FOXO1: variants seen among roughly 807,000 people sequenced by gnomAD.
The protein encoded by FOXO1 is forkhead box protein O1.
FOXO1 carries 6 observed loss-of-function variants against 44.1 expected under a neutral mutation model. That is an observed-to-expected ratio of 0.14 (90% CI 0.07 to 0.27). FOXO1 has a LOEUF of 0.27. Ranked by LOEUF, FOXO1 falls within the 10% of genes least tolerant of loss-of-function variation. The pLI, the probability that FOXO1 is intolerant of heterozygous loss-of-function variation, is 1.00. For synonymous variants in FOXO1, 380 were observed against 362.7 expected, an observed-to-expected ratio of 1.05 and a Z score of -0.54; for missense variants, 737 against 888.8, an observed-to-expected ratio of 0.83 and a Z score of 2.17.
In FOXO1 at chr13:40,585,343, G is replaced by GCGCGCACACA. The variant is rs10623475; in HGVS notation, c.631-24484_631-24483insTGTGTGCGCG. Among the ~76,000 whole-genome samples, 720 of 147,112 alleles carry GCGCGCACACA rather than the reference G, an allele frequency of 4.9e-3. 7 individuals are homozygous for GCGCGCACACA. The highest frequency in any genetic ancestry group is 0.017 in the African/African-American group (680 of 39,778). On this transcript the variant is annotated intron_variant, in intron 1 of 2. Transcript: ENST00000379561. The stretch of plus-strand genomic sequence containing the variant: ...ATGTAAGTATTTCCTCTGCGCGCGC[G>GCGCGCACACA]CACACACACACACACACACACACAC...
chr13:40,598,388 T>C (rs1392145967), intron 1 of FOXO1, among the ~76,000 whole-genome samples: 1 of 152,112 alleles, frequency 6.6e-6, no homozygotes, highest in Non-Finnish European at 1.5e-5. Context: ...TTTCTTTCCC[T>C]AAAATTCTGA....
chr13:40,601,684 G>A (rs1025445795), intron 1 of FOXO1, among the ~76,000 whole-genome samples: 6 of 151,988 alleles, frequency 3.9e-5, no homozygotes, highest in Non-Finnish European at 7.4e-5. Context: ...GGGTTTTTTG[G>A]TCACATTGGC....
intron 1 of FOXO1, among the ~76,000 whole-genome samples, chr13:40,645,351 TA>T (rs1313698456): frequency 6.6e-6 from 1 of 152,222 alleles, no homozygotes; most frequent in Non-Finnish European, 1.5e-5. Context: ...ATTTTCAGTT[TA>T]AAAGGTGAAA....
chr13:40,584,402 T>C (rs575333069), intron 1 of FOXO1, among the ~76,000 whole-genome samples: 2 of 135,046 alleles, frequency 1.5e-5, no homozygotes, highest in African/African-American at 2.8e-5. Flanking sequence ...GGTAGGCATA[T>C]GGCTTGAGCC....
In FOXO1 at chr13:40,640,488, G is replaced by C. The variant is rs1206711657; in HGVS notation, c.630+25095C>G. On this transcript the variant is annotated intron_variant, in intron 1 of 2. Coordinates refer to ENST00000379561, the MANE Select transcript of FOXO1 (RefSeq NM_002015.4). Reference sequence around the variant, plus strand: ...GCTCATCTGATGATCCAGTTAGAAGGGCGGCTTTAGCATCCCCCAAGCCCT... The same window carrying C: ...GCTCATCTGATGATCCAGTTAGAAGCGCGGCTTTAGCATCCCCCAAGCCCT... Among the ~76,000 whole-genome samples, 3 of 152,182 alleles carry C rather than the reference G, an allele frequency of 2.0e-5. No individual in the cohort carries two copies. The East Asian group carries it at 5.8e-4, about 29-fold the overall frequency.
chr13:40,604,548 C>G (rs1691996774), intron 1 of FOXO1, among the ~76,000 whole-genome samples: 1 of 152,098 alleles, frequency 6.6e-6, no homozygotes, highest in South Asian at 2.1e-4. Context: ...CACCTAGCTA[C>G]CAGCATCTAT....
chr13:40,637,903 A>G (rs1877213840), intron 1 of FOXO1, among the ~76,000 whole-genome samples: 1 of 152,204 alleles, frequency 6.6e-6, no homozygotes, highest in African/African-American at 2.4e-5. Flanking sequence ...AAGCAATACT[A>G]TACAGAACTG....
intron 1 of FOXO1, among the ~76,000 whole-genome samples, chr13:40,640,118 C>T (rs1169052247): frequency 1.3e-5 from 2 of 152,216 alleles, no homozygotes; most frequent in Non-Finnish European, 2.9e-5. Flanking sequence ...ACATTAAAAA[C>T]TCTAGATAAT....
intron 1 of FOXO1, among the ~76,000 whole-genome samples, chr13:40,630,986 T>A (rs1876943574): frequency 6.6e-6 from 1 of 152,142 alleles, no homozygotes; most frequent in South Asian, 2.1e-4. Context: ...GGGGCAATTT[T>A]CCACCTAACA....
At chr13:40,565,136 A>T (rs1874217616) in intron 1 of FOXO1, among the ~76,000 whole-genome samples, 1 of 152,218 alleles carries the variant, frequency 6.6e-6, no homozygotes, top group South Asian at 2.1e-4. Context: ...AAAAAATTAC[A>T]AGGAAGATAT....
intron 1 of FOXO1, among the ~76,000 whole-genome samples, chr13:40,609,138 TTTAA>T (rs1438604614): frequency 6.6e-6 from 1 of 152,290 alleles, no homozygotes; most frequent in Non-Finnish European, 1.5e-5. Context: ...ACTACTCAAA[TTTAA>T]TTAATTATCG....
intron 1 of FOXO1, among the ~76,000 whole-genome samples, chr13:40,604,353 C>G (rs1345905964): frequency 6.6e-6 from 1 of 151,200 alleles, no homozygotes; most frequent in Non-Finnish European, 1.5e-5. Flanking sequence ...TGAGTGCACT[C>G]AACTATCTCA....
chr13:40,642,372 A>G (rs1877381266), intron 1 of FOXO1, among the ~76,000 whole-genome samples: 1 of 152,176 alleles, frequency 6.6e-6, no homozygotes, highest in Non-Finnish European at 1.5e-5. Context: ...TACTTCCCTC[A>G]ATCAGTCTGT....
intron 1 of FOXO1, among the ~76,000 whole-genome samples, chr13:40,663,486 T>G (rs1323899888): frequency 6.6e-6 from 1 of 152,186 alleles, no homozygotes; most frequent in African/African-American, 2.4e-5. Context: ...AAGAATGGTG[T>G]AAGTACACAC....
At chr13:40,614,996 G>C (rs1404852532) in intron 1 of FOXO1, among the ~76,000 whole-genome samples, 1 of 152,196 alleles carries the variant, frequency 6.6e-6, no homozygotes, top group Non-Finnish European at 1.5e-5. Flanking sequence ...AGGTGGGTAT[G>C]CAAAAAACCC....
chr13:40,576,225 G>C (rs1205122803), intron 1 of FOXO1, among the ~76,000 whole-genome samples: 1 of 152,184 alleles, frequency 6.6e-6, no homozygotes, highest in East Asian at 1.9e-4. Flanking sequence ...TTTAGACACA[G>C]AAAGGGAGGA....
At chr13:40,588,001 T>TAACACAGAGTA (rs943421754) in intron 1 of FOXO1, among the ~76,000 whole-genome samples, 13 of 152,176 alleles carry the variant, frequency 8.5e-5, no homozygotes, top group Non-Finnish European at 7.4e-5. Context: ...TCAAATTGCA[T>TAACACAGAGTA]AACACAGAGT....
At chr13:40,609,449 G>A (rs1442677374) in intron 1 of FOXO1, among the ~76,000 whole-genome samples, 1 of 152,096 alleles carries the variant, frequency 6.6e-6, no homozygotes, top group Non-Finnish European at 1.5e-5. Context: ...ATTTGTAAAT[G>A]TAAGTCTGTT....
At chr13:40,596,854 T>C (rs73465251) in intron 1 of FOXO1, among the ~76,000 whole-genome samples, 106 of 152,252 alleles carry the variant, frequency 7.0e-4, no homozygotes, top group African/African-American at 2.5e-3. Context: ...TGCACAACCA[T>C]TCTCTCCACT....
Sources: gnomAD v4.1 joint callset for allele counts (sites outside exome capture counted in the v4.1 genomes callset) on GRCh38, gnomAD v4.1.1 for gene constraint, MANE v1.5 for transcripts, NCBI Gene and HGNC (gene_info 2026-07-23, HGNC 2026-07-21) for gene names.